ADGRB3: variants seen among roughly 807,000 people sequenced by gnomAD.
ADGRB3 encodes the protein brain-specific angiogenesis inhibitor 3.
A neutral mutation model predicts 193.4 loss-of-function variants in ADGRB3; 37 were observed. The ratio of observed to expected loss-of-function variants is 0.19; its 90% confidence interval spans 0.15 to 0.25. The LOEUF (loss-of-function observed/expected upper bound fraction) is 0.25, where lower values mean the gene tolerates loss of function less well. Among genes scored for constraint, ADGRB3 ranks in the 10% least tolerant of loss-of-function variants. The pLI is 1.00. For synonymous variants in ADGRB3, 690 were observed against 644.2 expected, an observed-to-expected ratio of 1.07 and a Z score of -1.08; for missense variants, 1,637 against 1,852.9, an observed-to-expected ratio of 0.88 and a Z score of 2.14.
intron 3 of ADGRB3, among the ~76,000 whole-genome samples, chr6:68,740,011 A>T (rs1765948200): frequency 6.6e-6 from 1 of 152,150 alleles, no homozygotes; most frequent in Non-Finnish European, 1.5e-5. Flanking sequence ...ATTATTATTA[A>T]TAATAATAAT....
chr6:69,068,813 A>G (rs1415940256), intron 16 of ADGRB3, among the ~76,000 whole-genome samples: 6 of 152,188 alleles, frequency 3.9e-5, no homozygotes, highest in Non-Finnish European at 1.5e-5. Context: ...TTCCAATCAA[A>G]TAGCTGCCAA....
chr6:68,805,002 A>T (rs1009433866), intron 3 of ADGRB3, among the ~76,000 whole-genome samples: 1 of 151,840 alleles, frequency 6.6e-6, no homozygotes. Context: ...ATCATAGTTG[A>T]CTGCATCCTC....
chr6:68,769,022 TA>T (rs1562021819), intron 3 of ADGRB3, among the ~76,000 whole-genome samples: 1 of 152,134 alleles, frequency 6.6e-6, no homozygotes, highest in Non-Finnish European at 1.5e-5. Context: ...TGGTGATCAT[TA>T]AAAAGTCAGG....
At chr6:68,867,192 C>T (rs1449506126) in intron 3 of ADGRB3, among the ~76,000 whole-genome samples, 3 of 152,150 alleles carry the variant, frequency 2.0e-5, no homozygotes, top group African/African-American at 7.2e-5. Context: ...GTTTTGTAGG[C>T]TAGTCCCAGG....
chr6:68,864,565 C>T (rs1035125001), intron 3 of ADGRB3, among the ~76,000 whole-genome samples: 2 of 152,008 alleles, frequency 1.3e-5, no homozygotes, highest in African/African-American at 2.4e-5. Flanking sequence ...GAGCAGAAAG[C>T]TGGCAACGGA....
rs567006969 is a variant in ADGRB3 at position 68,904,352 on chromosome 6, C to T, written c.758-26207C>T. Among the ~76,000 whole-genome samples, 4 of 152,106 alleles carry T rather than the reference C, an allele frequency of 2.6e-5. No individual in the cohort carries two copies. The East Asian group carries it at 7.8e-4, about 30-fold the overall frequency. ...ATATTGCTAAGTGACATGAATTTTTCAGTTATAATCTTATGGGACCACTGT... is the reference window on the plus strand; with the variant it reads ...ATATTGCTAAGTGACATGAATTTTTTAGTTATAATCTTATGGGACCACTGT... On this transcript the variant is annotated intron_variant, in intron 3 of 31. Transcript: ENST00000370598.
At chr6:68,939,784 A>G (rs375477630) in intron 5 of ADGRB3, among the ~76,000 whole-genome samples, 1 of 152,206 alleles carries the variant, frequency 6.6e-6, no homozygotes, top group African/African-American at 2.4e-5. Context: ...TAAACAATAG[A>G]AATGTCTTCC....
At chr6:69,338,016 T>C (rs533804354) in intron 24 of ADGRB3, among the ~76,000 whole-genome samples, 220 of 152,306 alleles carry the variant, frequency 1.4e-3, no homozygotes, top group Non-Finnish European at 2.6e-3. Context: ...TTCTTTTTGG[T>C]TTTTCCTAAA....
intron 3 of ADGRB3, among the ~76,000 whole-genome samples, chr6:68,784,283 G>T (rs1766916371): frequency 6.6e-6 from 1 of 152,030 alleles, no homozygotes; most frequent in South Asian, 2.1e-4. Flanking sequence ...TGGGCCTCTT[G>T]TGCAAACCAC....
At chr6:69,262,130 G>A (rs1766944007) in intron 20 of ADGRB3, among the ~76,000 whole-genome samples, 1 of 152,008 alleles carries the variant, frequency 6.6e-6, no homozygotes, top group South Asian at 2.1e-4. Flanking sequence ...TGAGGTCCAA[G>A]CTATACTGGC....
At chr6:69,137,681 C>T (rs1188569302) in intron 17 of ADGRB3, among the ~76,000 whole-genome samples, 1 of 152,036 alleles carries the variant, frequency 6.6e-6, no homozygotes, top group African/African-American at 2.4e-5. Flanking sequence ...CCTGTAGTCC[C>T]AGCTACTCGA....
intron 3 of ADGRB3, among the ~76,000 whole-genome samples, chr6:68,824,702 T>C (rs1219383104): frequency 6.7e-6 from 1 of 149,866 alleles, no homozygotes; most frequent in Non-Finnish European, 1.5e-5. Context: ...TGAAAATATT[T>C]GTATCTGTTC....
At position 69,126,696 on chromosome 6, in the gene ADGRB3, C is replaced by T. The variant is rs549425947; in HGVS notation, c.2480+50658C>T. ...AATGCCAATCTCTTCCAGAAATACC[C>T]TCACAGACATACCTAGAAATAACAC... On this transcript the variant is annotated intron_variant, in intron 17 of 31. Transcript: ENST00000370598. Among the ~76,000 whole-genome samples, 171 of 151,230 alleles carry T rather than the reference C, an allele frequency of 1.1e-3. 1 individual carries two copies. The highest frequency in any genetic ancestry group is 3.9e-3 in the African/African-American group (161 of 41,552).
chr6:69,269,792 A>G (rs1362528881), intron 20 of ADGRB3, among the ~76,000 whole-genome samples: 1 of 152,176 alleles, frequency 6.6e-6, no homozygotes, highest in Non-Finnish European at 1.5e-5. Flanking sequence ...AGTTTTATCA[A>G]ATAGGATTTC....
chr6:69,352,922 T>C (rs1769257915), intron 26 of ADGRB3, among the ~76,000 whole-genome samples: 1 of 152,150 alleles, frequency 6.6e-6, no homozygotes, highest in Non-Finnish European at 1.5e-5. Context: ...ATCAGTAAAA[T>C]AGGGAAAACA....
At chr6:68,846,690 A>G (rs1768282780) in intron 3 of ADGRB3, among the ~76,000 whole-genome samples, 1 of 152,184 alleles carries the variant, frequency 6.6e-6, no homozygotes, top group Non-Finnish European at 1.5e-5. Context: ...CTCCACCTAG[A>G]TTTCAGAAGA....
In ADGRB3 at chr6:68,871,889, A is replaced by G. The variant is rs541678891; in HGVS notation, c.758-58670A>G. On this transcript the variant is annotated intron_variant, in intron 3 of 31. Coordinates refer to ENST00000370598, the MANE Select transcript of ADGRB3 (RefSeq NM_001704.3). Reference sequence around the variant, plus strand: ...AAGGCGAGAAAGAACATTTTTGTGGAATGAATAATATTTCATTGGAGTTAA... The same window carrying G: ...AAGGCGAGAAAGAACATTTTTGTGGGATGAATAATATTTCATTGGAGTTAA... Among the ~76,000 whole-genome samples, 81 of 152,270 alleles carry G rather than the reference A, an allele frequency of 5.3e-4. 1 individual carries two copies. The highest frequency in any genetic ancestry group is 1.9e-3 in the African/African-American group (77 of 41,578).
intron 3 of ADGRB3, among the ~76,000 whole-genome samples, chr6:68,704,362 G>C (rs1765290864): frequency 6.6e-6 from 1 of 152,132 alleles, no homozygotes; most frequent in Non-Finnish European, 1.5e-5. Context: ...TTCATTAAAA[G>C]TTAAGAAGAG....
intron 11 of ADGRB3, among the ~76,000 whole-genome samples, chr6:69,009,462 A>G (rs997153613): frequency 5.9e-5 from 9 of 152,100 alleles, no homozygotes; most frequent in African/African-American, 1.9e-4. Flanking sequence ...AGGGCAGAAA[A>G]GAGTGTGGGA....
Sources: gnomAD v4.1 joint callset for allele counts (sites outside exome capture counted in the v4.1 genomes callset) on GRCh38, gnomAD v4.1.1 for gene constraint, MANE v1.5 for transcripts, NCBI Gene and HGNC (gene_info 2026-07-23, HGNC 2026-07-21) for gene names.